PREX1: variants seen among roughly 807,000 people sequenced by gnomAD.
PREX1 encodes the protein phosphatidylinositol 3,4,5-trisphosphate-dependent Rac exchanger 1 protein.
A neutral mutation model predicts 198.3 loss-of-function variants in PREX1; 41 were observed. That is an observed-to-expected ratio of 0.21 (90% CI 0.16 to 0.27). The LOEUF (loss-of-function observed/expected upper bound fraction) is 0.27, where lower values mean the gene tolerates loss of function less well. Ranked by LOEUF, PREX1 falls within the 10% of genes least tolerant of loss-of-function variation. The pLI, the probability that PREX1 is intolerant of heterozygous loss-of-function variation, is 1.00. For missense variants in PREX1, 1,620 were observed against 2,200.7 expected (o/e 0.74, Z 5.28); for synonymous variants, 843 against 887.2 (o/e 0.95, Z 0.89).
chr20:48,851,974 G>T, the PREX1 span, among the ~76,000 whole-genome samples: 2 of 151,898 alleles, frequency 1.3e-5, no homozygotes, highest in African/African-American at 4.8e-5. Context: ...GACCTTTCGA[G>T]AATTCCATAA....
chr20:48,652,174 G>A (rs1404477465), intron 21 of PREX1, among the ~76,000 whole-genome samples: 4 of 152,204 alleles, frequency 2.6e-5, no homozygotes, highest in Admixed American at 6.5e-5. Context: ...GTGCACACCT[G>A]TAATCCCAGC....
In PREX1 at chr20:48,676,284, G is replaced by A. The variant is rs760348202; in HGVS notation, c.1590-16C>T. On this transcript the variant is annotated splice_polypyrimidine_tract_variant and intron_variant, in intron 13 of 39. Coordinates refer to ENST00000371941, the MANE Select transcript of PREX1 (RefSeq NM_020820.4). ...ATCACGGTCTCTGTGGAGAAGGTGAGCGCACAGTGAGCAGGGCAGGGCGGG... is the reference window on the plus strand; with the variant it reads ...ATCACGGTCTCTGTGGAGAAGGTGAACGCACAGTGAGCAGGGCAGGGCGGG... 5.6e-6 allele frequency: 9 copies of A among 1,611,990 alleles called. No individual in the cohort carries two copies. The Admixed American group carries it at 6.7e-5, about 12-fold the overall frequency.
At chr20:48,660,442 G>A (rs1025296530) in intron 15 of PREX1, among the ~76,000 whole-genome samples, 4 of 152,208 alleles carry the variant, frequency 2.6e-5, no homozygotes, top group African/African-American at 9.7e-5. Context: ...TATGATCATA[G>A]AGTATTCTGC....
At chr20:48,729,473 C>G (rs191017180) in intron 4 of PREX1, among the ~76,000 whole-genome samples, 11 of 152,154 alleles carry the variant, frequency 7.2e-5, no homozygotes, top group Admixed American at 6.5e-5. Flanking sequence ...TGCTGCCCCC[C>G]CAATGCCCCA....
chr20:48,652,196 C>A (rs2089503694), intron 21 of PREX1, among the ~76,000 whole-genome samples: 1 of 152,160 alleles, frequency 6.6e-6, no homozygotes, highest in Non-Finnish European at 1.5e-5. Context: ...CTCTGCGAGG[C>A]CGAGGCAAGA....
chr20:48,866,459 CTGT>C, the PREX1 span, among the ~76,000 whole-genome samples: 1 of 152,156 alleles, frequency 6.6e-6, no homozygotes, highest in African/African-American at 2.4e-5. Context: ...TGTTAACAAG[CTGT>C]CCAGGTGAGC....
intron 14 of PREX1, among the ~76,000 whole-genome samples, chr20:48,673,698 CCT>C (rs71875766): frequency 0.22 from 33,143 of 152,054 alleles, 4,293 homozygotes; most frequent in South Asian, 0.38. Context: ...AACCCCCCCA[CCT>C]CTGTTTGTTT....
intron 39 of PREX1, among the ~76,000 whole-genome samples, chr20:48,626,819 T>G (rs1052729661): frequency 5.3e-5 from 8 of 152,196 alleles, no homozygotes; most frequent in African/African-American, 1.9e-4. Context: ...GGAGTCACAT[T>G]ATTTCAAAAC....
chr20:48,777,726 G>A (rs760825477), intron 1 of PREX1, among the ~76,000 whole-genome samples: 5 of 152,202 alleles, frequency 3.3e-5, no homozygotes, highest in African/African-American at 1.2e-4. Flanking sequence ...ATCCACATCT[G>A]TAAAATGGGC....
intron 7 of PREX1, among the ~76,000 whole-genome samples, chr20:48,694,782 T>C (rs1339875474): frequency 4.6e-5 from 7 of 152,186 alleles, no homozygotes; most frequent in African/African-American, 1.7e-4. Context: ...GGTGAAGATG[T>C]GGGCTTCTGC....
rs1213342161 is a variant in PREX1, at chr20:48,679,860, C to T, written c.1436-106G>A. 8 of 806,482 alleles carry T rather than the reference C, an allele frequency of 9.9e-6. No individual in the cohort carries two copies. In the African/African-American group the frequency reaches 1.2e-4, roughly 12 times the overall value. 50.0% of individuals were successfully genotyped at this position (806,482 alleles called of 1,614,324 possible). On this transcript the variant is annotated intron_variant, in intron 11 of 39. Coordinates refer to ENST00000371941, the MANE Select transcript of PREX1 (RefSeq NM_020820.4). ...TGCCAGCCACGCCCCCTCTGCCCCT[C>T]CCAGTCACACCCACCAGCATCAGGC...
At chr20:48,791,404 G>T (rs914149631) in intron 1 of PREX1, among the ~76,000 whole-genome samples, 1 of 152,168 alleles carries the variant, frequency 6.6e-6, no homozygotes, top group Non-Finnish European at 1.5e-5. Context: ...TTTCATAGCT[G>T]GGGAAACCAA....
chr20:48,649,295 C>A lies in PREX1; in HGVS notation c.3305+5G>T. 6.2e-7 allele frequency: 1 copy of A among 1,610,982 alleles called. No homozygotes were observed. Among genetic ancestry groups the A allele is most frequent in the Non-Finnish European group, 8.5e-7 (1 of 1,177,624 alleles). ...TCACGCCGGACACCCCCGGCCAGCGCTCACCTGTTGATCTGGGTGACATAT... is the reference window on the plus strand; with the variant it reads ...TCACGCCGGACACCCCCGGCCAGCGATCACCTGTTGATCTGGGTGACATAT... On this transcript the variant is annotated splice_donor_5th_base_variant and intron_variant, in intron 25 of 39. Coordinates refer to ENST00000371941, the MANE Select transcript of PREX1 (RefSeq NM_020820.4).
chr20:48,729,677 C>G (rs1233816441), intron 4 of PREX1, among the ~76,000 whole-genome samples: 1 of 152,182 alleles, frequency 6.6e-6, no homozygotes, highest in Non-Finnish European at 1.5e-5. Flanking sequence ...CAAATTGTGT[C>G]AGCTCAGGCC....
chr20:48,737,506 T>C (rs1275086471), intron 3 of PREX1, among the ~76,000 whole-genome samples: 4 of 152,024 alleles, frequency 2.6e-5, no homozygotes, highest in African/African-American at 7.3e-5. Context: ...GACTATTTGA[T>C]GAATGAAAGG....
intron 25 of PREX1, among the ~76,000 whole-genome samples, chr20:48,647,612 C>T (rs2089461155): frequency 6.6e-6 from 1 of 151,888 alleles, no homozygotes; most frequent in South Asian, 2.1e-4. Context: ...CACCACATCT[C>T]CACAGTCAGT....
chr20:48,732,410 C>G (rs1329492062), intron 4 of PREX1, among the ~76,000 whole-genome samples: 3 of 151,712 alleles, frequency 2.0e-5, no homozygotes, highest in African/African-American at 7.3e-5. Flanking sequence ...ACTCTGGGAA[C>G]GTGGTTCATA....
chr20:48,649,862 A>G (rs2089479229), intron 24 of PREX1, 134 bp downstream of exon 24: 1 of 1,087,972 alleles, frequency 9.2e-7, no homozygotes, highest in Non-Finnish European at 1.3e-6. Flanking sequence ...GCTGTCCCAT[A>G]AAGAGAGAAG....
rs141066278 is a variant in PREX1, at chr20:48,700,788, G to T, written c.882C>A (p.Phe294Leu). The T allele has an allele frequency of 1.2e-5, 19 of 1,613,748 alleles. No homozygotes were observed. Among genetic ancestry groups the T allele is most frequent in the Non-Finnish European group, 1.4e-5 (17 of 1,180,012 alleles). ...GNIQERAFFL[F>L]DNLLVYCKRK... ...GCTTGCAGTAGACGAGAAGGTTGTC[G>T]AAGAGGAAGAAGGCCCTTTCCTGGA... The change falls in exon 7 of 40, where the codon TTC becomes TTA. Residue 294 changes from phenylalanine (F) to leucine (L), a missense_variant. Physicochemically the swap from Phe to Leu is conservative, Grantham distance 22 (BLOSUM62 0). Transcript: ENST00000371941.
Sources: gnomAD v4.1 joint callset for allele counts (sites outside exome capture counted in the v4.1 genomes callset) on GRCh38, gnomAD v4.1.1 for gene constraint, MANE v1.5 for transcripts, NCBI Gene and HGNC (gene_info 2026-07-23, HGNC 2026-07-21) for gene names.